Variants in SMU1 observed in about 807,000 individuals in gnomAD.
SMU1 encodes the protein WD40 repeat-containing protein SMU1.
Under a neutral mutation model 62.0 loss-of-function variants are expected in SMU1, and 2 were observed. That is an observed-to-expected ratio of 0.03 (90% CI 0.01 to 0.10). SMU1 has a LOEUF of 0.10. SMU1 is among the 10% of genes least tolerant of loss of function. The pLI, the probability that SMU1 is intolerant of heterozygous loss-of-function variation, is 1.00. For missense variants in SMU1, 227 were observed against 622.1 expected (o/e 0.36, Z 6.76); for synonymous variants, 188 against 212.4 (o/e 0.89, Z 1.00).
At chr9:33,057,793 G>T in intron 6 of SMU1, 79 bp from the exon 7 acceptor site, 5 of 1,582,522 alleles carry the variant, frequency 3.2e-6, no homozygotes, top group Non-Finnish European at 4.3e-6. Flanking sequence ...CAAAAACCAG[G>T]GGCAATGGAT....
intron 5 of SMU1, among the ~76,000 whole-genome samples, chr9:33,061,013 C>T (rs549726217): frequency 5.3e-5 from 8 of 152,270 alleles, no homozygotes; most frequent in Middle Eastern, 3.4e-3. Context: ...ATGTATGTTT[C>T]CCTATATTAT....
rs1364356726 is a variant in SMU1 at position 33,062,063 on chromosome 9, T to C, written c.616A>G (p.Ser206Gly). The C allele has an allele frequency of 2.5e-6, 4 of 1,613,918 alleles. No individual in the cohort carries two copies. The highest frequency in any genetic ancestry group is 1.7e-5 in the Admixed American group (1 of 60,008). Residue 206 changes from serine to glycine, a missense_variant, in exon 5 of 12, where the codon AGC becomes GGC. Ser to Gly is a moderately conservative substitution (Grantham distance 56). Transcript: ENST00000397149. ...VEEEKFPTQL[S>G]RHIKFGQKSH... ...TAGGATCCTACCTTAATATGCCTGC[T>C]CAGTTGTGTAGGAAACTTTTCTTCT...
chr9:33,044,411 A>C lies in SMU1; in HGVS notation c.*2882T>G, dbSNP rs989447707. 6.6e-6 allele frequency: 1 copy of C among 152,258 alleles called. No homozygotes were observed. Among genetic ancestry groups the C allele is most frequent in the African/African-American group, 2.4e-5 (1 of 41,440 alleles). The allele number at this position is 152,258 out of a possible 1,614,324, so 9.4% of individuals were successfully genotyped here. A position where few individuals can be genotyped will look rare whatever the true frequency, so the allele number is the denominator to read the frequency against. ...CGGTAAGGGGCTCTACCGGCCCTGG[A>C]CCCAAGATGGGACTCCTACCTCCGA... On this transcript the variant is annotated 3_prime_UTR_variant, in exon 12 of 12. Transcript: ENST00000397149.
chr9:33,073,242 G>T (rs1839507602), intron 2 of SMU1, among the ~76,000 whole-genome samples: 1 of 151,818 alleles, frequency 6.6e-6, no homozygotes, highest in Non-Finnish European at 1.5e-5. Context: ...ACAGAAAAAT[G>T]CAAAAATTAG....
At position 33,044,131 on chromosome 9, in the gene SMU1, T is replaced by C. The variant is rs1372523209; in HGVS notation, c.*3162A>G. The stretch of plus-strand genomic sequence containing the variant: ...GAATTAATTTTAACGCCAGGTAGTT[T>C]AGCTTCTATGTTAAGTGCTAGAGAG... On this transcript the variant is annotated 3_prime_UTR_variant, in exon 12 of 12. Transcript: ENST00000397149. 2.0e-5 allele frequency: 3 copies of C among 152,212 alleles called. No homozygotes were observed. Among genetic ancestry groups the C allele is most frequent in the African/African-American group, 4.8e-5 (2 of 41,446 alleles). The allele number at this position is 152,212 out of a possible 1,614,324, so 9.4% of individuals were successfully genotyped here.
chr9:33,069,961 A>G (rs1026637465), intron 3 of SMU1, among the ~76,000 whole-genome samples: 14 of 152,104 alleles, frequency 9.2e-5, no homozygotes, highest in African/African-American at 3.1e-4. Context: ...CCCCATCTCT[A>G]CTGAAAACTC....
At chr9:33,074,592 A>C (rs1233104993) in intron 1 of SMU1, among the ~76,000 whole-genome samples, 1 of 152,102 alleles carries the variant, frequency 6.6e-6, no homozygotes, top group Non-Finnish European at 1.5e-5. Context: ...CCTGGGAAAG[A>C]GAGCAAGACC....
intron 4 of SMU1, among the ~76,000 whole-genome samples, chr9:33,065,828 C>T (rs145809833): frequency 6.4e-4 from 98 of 152,282 alleles, no homozygotes; most frequent in Admixed American, 2.0e-3. Flanking sequence ...GGTTGAGGTC[C>T]TAGGCTCTGA....
intron 10 of SMU1, among the ~76,000 whole-genome samples, chr9:33,051,978 T>C (rs925682801): frequency 8.0e-5 from 12 of 150,598 alleles, no homozygotes; most frequent in South Asian, 4.2e-4. Flanking sequence ...GATCACGCCA[T>C]TGCACTTCAG....
chr9:33,060,692 G>A, intron 5 of SMU1, 108 bp from the exon 6 acceptor site: 1 of 1,427,166 alleles, frequency 7.0e-7, no homozygotes, highest in Non-Finnish European at 9.6e-7. Context: ...GTCATAGCTG[G>A]CCCATATTAT....
chr9:33,050,549 C>T (rs1477398136), intron 10 of SMU1, among the ~76,000 whole-genome samples: 4 of 145,984 alleles, frequency 2.7e-5, no homozygotes, highest in African/African-American at 7.6e-5. Context: ...AAAAAAAAGC[C>T]GGGTGTGGTG....
chr9:33,061,913 C>T, intron 5 of SMU1, 136 bp downstream of exon 5: 1 of 932,316 alleles, frequency 1.1e-6, no homozygotes, highest in Non-Finnish European at 1.6e-6. Context: ...ACACCTGCAG[C>T]AACCTTGAAT....
chr9:33,052,442 G>C (rs1171685095), intron 10 of SMU1, among the ~76,000 whole-genome samples: 1 of 152,192 alleles, frequency 6.6e-6, no homozygotes, highest in African/African-American at 2.4e-5. Flanking sequence ...CTGCGGACCA[G>C]CCATCTCAGC....
chr9:33,062,017 T>C (rs113685196), intron 5 of SMU1, 32 bp downstream of exon 5: 6 of 1,608,748 alleles, frequency 3.7e-6, no homozygotes, highest in Non-Finnish European at 5.1e-6. Context: ...CAACAAATGA[T>C]TACTGACTGG....
rs1839135703 is a variant in SMU1, at chr9:33,042,366, T to C, written c.*4927A>G. On this transcript the variant is annotated 3_prime_UTR_variant, in exon 12 of 12. Transcript: ENST00000397149. Reference sequence around the variant, plus strand: ...AGAGCCTATGAAAAAACAAAGCCTATGAAACAGAGCCTATGAAAAAACATT... The same window carrying C: ...AGAGCCTATGAAAAAACAAAGCCTACGAAACAGAGCCTATGAAAAAACATT... 6.6e-6 allele frequency: 1 copy of C among 152,654 alleles called. No individual in the cohort carries two copies. Among genetic ancestry groups the C allele is most frequent in the African/African-American group, 2.4e-5 (1 of 41,438 alleles). 9.5% of individuals were successfully genotyped at this position (152,654 alleles called of 1,614,324 possible). A position where few individuals can be genotyped will look rare whatever the true frequency, so the allele number is the denominator to read the frequency against.
intron 2 of SMU1, among the ~76,000 whole-genome samples, chr9:33,072,350 T>C (rs1419481716): frequency 6.6e-6 from 1 of 151,876 alleles, no homozygotes; most frequent in East Asian, 1.9e-4. Flanking sequence ...AATAAATAAA[T>C]AATAATTTCA....
At position 33,044,194 on chromosome 9, in the gene SMU1, T is replaced by G. The variant is rs796179201; in HGVS notation, c.*3099A>C. ...AATCTGGTGGCTGCAGCAGAGCACT[T>G]CCCTAGGAACCGACTGCACACGCCC... is the stretch of plus-strand genomic sequence containing the variant. On this transcript the variant is annotated 3_prime_UTR_variant, in exon 12 of 12. Transcript: ENST00000397149. 1.1e-4 allele frequency: 16 copies of G among 152,288 alleles called. No individual in the cohort carries two copies. Among genetic ancestry groups the G allele is most frequent in the African/African-American group, 3.9e-4 (16 of 41,512 alleles). The allele number at this position is 152,288 out of a possible 1,614,324, so 9.4% of individuals were successfully genotyped here. A position where few individuals can be genotyped will look rare whatever the true frequency, so the allele number is the denominator to read the frequency against.
At chr9:33,076,151 T>C (rs1332081627) in intron 1 of SMU1, among the ~76,000 whole-genome samples, 1 of 152,156 alleles carries the variant, frequency 6.6e-6, no homozygotes, top group African/African-American at 2.4e-5. Flanking sequence ...TGATAAACGC[T>C]AGGCAGAGAA....
chr9:33,060,146 C>A (rs1414186100), intron 6 of SMU1, among the ~76,000 whole-genome samples: 1 of 152,060 alleles, frequency 6.6e-6, no homozygotes, highest in Non-Finnish European at 1.5e-5. Context: ...GCAGCTAAAA[C>A]TATAGGTGCA....
Sources: gnomAD v4.1 joint callset for allele counts (sites outside exome capture counted in the v4.1 genomes callset) on GRCh38, gnomAD v4.1.1 for gene constraint, MANE v1.5 for transcripts, NCBI Gene and HGNC (gene_info 2026-07-23, HGNC 2026-07-21) for gene names.